The following GABRA3 variants were observed in gnomAD, a reference collection of about 807,000 sequenced individuals.
GABRA3 encodes the protein gamma-aminobutyric acid receptor subunit alpha-3.
In GABRA3, 10 loss-of-function variants were observed where a neutral mutation model predicts 30.1. That is an observed-to-expected ratio of 0.33 (90% CI 0.20 to 0.56). GABRA3 has a LOEUF of 0.56. Among genes scored for constraint, GABRA3 ranks in the 20% least tolerant of loss-of-function variants. The pLI is 0.89. For synonymous variants in GABRA3, 151 were observed against 146.8 expected (o/e 1.03, Z -0.21); for missense variants, 233 against 392.0 (o/e 0.59, Z 3.42).
intron 4 of GABRA3, among the ~76,000 whole-genome samples, chrX:152,275,596 T>TA (rs2124431805): frequency 9.4e-6 from 1 of 105,877 alleles, no homozygotes; most frequent in South Asian, 3.9e-4. Flanking sequence ...CTGTCTCTAC[T>TA]AAAAATACAA....
intron 2 of GABRA3, 146 bp downstream of exon 2, chrX:152,364,285 C>T: frequency 1.9e-6 from 1 of 513,166 alleles, no homozygotes; most frequent in East Asian, 3.8e-5. Flanking sequence ...GAGTCTGAGC[C>T]TATGACTTTT....
intron 3 of GABRA3, among the ~76,000 whole-genome samples, chrX:152,300,546 A>G (rs1266178647): frequency 1.8e-5 from 2 of 112,566 alleles, no homozygotes; most frequent in Non-Finnish European, 3.7e-5. Flanking sequence ...ATGACAATCA[A>G]CAAATGTCAA....
At chrX:152,263,204 G>A (rs990385215) in intron 4 of GABRA3, among the ~76,000 whole-genome samples, 4 of 110,161 alleles carry the variant, frequency 3.6e-5, no homozygotes, top group Non-Finnish European at 5.7e-5. Flanking sequence ...TTTTGGGTGG[G>A]GACACAGCTA....
At chrX:152,262,228 G>A (rs1054924387) in intron 4 of GABRA3, among the ~76,000 whole-genome samples, 2 of 112,522 alleles carry the variant, frequency 1.8e-5, no homozygotes, top group Non-Finnish European at 3.8e-5. Flanking sequence ...GATGGAAGGG[G>A]CTGCTGTAAC....
chrX:152,364,669 TA>T (rs752045747), intron 1 of GABRA3, 73 bp from the exon 2 acceptor site: 11 of 766,483 alleles, frequency 1.4e-5, no homozygotes, highest in Non-Finnish European at 2.0e-5. Context: ...GAGAAAGAGG[TA>T]AAAAAGAGAG....
chrX:152,434,518 G>A (rs1007060565), intron 1 of GABRA3, among the ~76,000 whole-genome samples: 2 of 111,013 alleles, frequency 1.8e-5, no homozygotes, highest in Non-Finnish European at 3.8e-5. Flanking sequence ...CACAAAAGAC[G>A]GAAAAAACAC....
At chrX:152,182,488 A>G (rs1344741344) in intron 9 of GABRA3, among the ~76,000 whole-genome samples, 1 of 86,899 alleles carries the variant, frequency 1.2e-5, no homozygotes, top group Non-Finnish European at 2.2e-5. Context: ...TAGTATACAT[A>G]CTATATATAG....
intron 7 of GABRA3, among the ~76,000 whole-genome samples, chrX:152,200,902 A>G (rs1337550511): frequency 8.9e-6 from 1 of 111,786 alleles, no homozygotes; most frequent in Non-Finnish European, 1.9e-5. Context: ...TTTCTTTCTC[A>G]TTCTGTCTTG....
intron 3 of GABRA3, among the ~76,000 whole-genome samples, chrX:152,286,774 T>C (rs759572169): frequency 1.8e-5 from 2 of 111,946 alleles, no homozygotes; most frequent in African/African-American, 6.5e-5. Flanking sequence ...GAAGAGACTA[T>C]GAGTATCATT....
chrX:152,275,759 AAAAT>A (rs937224259), intron 4 of GABRA3, among the ~76,000 whole-genome samples: 1 of 108,704 alleles, frequency 9.2e-6, no homozygotes, highest in East Asian at 2.8e-4. Flanking sequence ...ATTCCATCTC[AAAAT>A]AAATAAATAA....
intron 9 of GABRA3, among the ~76,000 whole-genome samples, chrX:152,180,261 C>T (rs1016974102): frequency 8.9e-6 from 1 of 111,977 alleles, no homozygotes; most frequent in African/African-American, 3.2e-5. Context: ...GAGGTGATAT[C>T]TCATTGTGGT....
At chrX:152,400,033 A>G (rs1279802962) in intron 1 of GABRA3, among the ~76,000 whole-genome samples, 2 of 111,900 alleles carry the variant, frequency 1.8e-5, no homozygotes, top group African/African-American at 6.5e-5. Flanking sequence ...GCAAGTGAAA[A>G]TATGAGGCAG....
chrX:152,339,037 A>G (rs754296816), intron 3 of GABRA3, among the ~76,000 whole-genome samples: 1 of 110,502 alleles, frequency 9.0e-6, no homozygotes, highest in Non-Finnish European at 1.9e-5. Flanking sequence ...ATGTACATTT[A>G]AGGATTTTTT....
intron 9 of GABRA3, among the ~76,000 whole-genome samples, chrX:152,185,044 T>C (rs1937234550): frequency 8.9e-6 from 1 of 112,292 alleles, no homozygotes; most frequent in Admixed American, 9.5e-5. Flanking sequence ...ATTTTAAAAC[T>C]GTTTTATGCT....
At chrX:152,434,807 G>T (rs1390130939) in intron 1 of GABRA3, among the ~76,000 whole-genome samples, 3 of 111,498 alleles carry the variant, frequency 2.7e-5, no homozygotes, top group Non-Finnish European at 3.8e-5. Flanking sequence ...TACATAAAAA[G>T]CATTTTAAAA....
intron 1 of GABRA3, among the ~76,000 whole-genome samples, chrX:152,401,950 A>G (rs192615339): frequency 1.8e-5 from 2 of 111,855 alleles, no homozygotes. Context: ...TTCTGGTTTC[A>G]GCCAAAGCCA....
intron 9 of GABRA3, among the ~76,000 whole-genome samples, chrX:152,177,877 A>G (rs1158152808): frequency 8.9e-6 from 1 of 112,055 alleles, no homozygotes; most frequent in Non-Finnish European, 1.9e-5. Context: ...GAAGAAAAAT[A>G]GAGTGATAAA....
chrX:152,270,854 TA>T (rs199523064), intron 4 of GABRA3, among the ~76,000 whole-genome samples: 12,302 of 95,890 alleles, frequency 0.13, 654 homozygotes, highest in African/African-American at 0.18. Context: ...GATTCCAACT[TA>T]AAAAAAAAAA....
chrX:152,385,482 C>T (rs948551770), intron 1 of GABRA3, among the ~76,000 whole-genome samples: 26 of 112,002 alleles, frequency 2.3e-4, no homozygotes, highest in Non-Finnish European at 3.9e-4. Flanking sequence ...ACAAACCTAA[C>T]ATTAAATTAA....
Sources: allele counts gnomAD v4.1 joint callset (sites outside exome capture counted in the v4.1 genomes callset), GRCh38; gene constraint gnomAD v4.1.1; transcripts MANE v1.5; gene names NCBI Gene and HGNC (gene_info 2026-07-23, HGNC 2026-07-21).